Variants in PDE1C observed in about 807,000 individuals in gnomAD.
PDE1C encodes dual specificity calcium/calmodulin-dependent 3',5'-cyclic nucleotide phosphodiesterase 1C.
A neutral mutation model predicts 93.1 loss-of-function variants in PDE1C; 62 were observed. That is an observed-to-expected ratio of 0.67 (90% CI 0.54 to 0.82). The LOEUF (loss-of-function observed/expected upper bound fraction) is 0.82, where lower values mean the gene tolerates loss of function less well. PDE1C is among the 40% of genes least tolerant of loss of function. The pLI is 0.00. For synonymous variants in PDE1C, 325 were observed against 310.1 expected (o/e 1.05, Z -0.50); for missense variants, 742 against 884.6 (o/e 0.84, Z 2.04).
At chr7:32,208,434 G>A (rs188813344) in intron 2 of PDE1C, among the ~76,000 whole-genome samples, 32 of 152,038 alleles carry the variant, frequency 2.1e-4, no homozygotes, top group East Asian at 9.7e-4. Flanking sequence ...CAGATGGCAC[G>A]TCAGCTACTA....
intron 2 of PDE1C, among the ~76,000 whole-genome samples, chr7:32,176,306 T>A (rs1357041329): frequency 6.6e-6 from 1 of 151,916 alleles, no homozygotes; most frequent in African/African-American, 2.4e-5. Flanking sequence ...AAAAACCGCA[T>A]GAGTCTATTT....
chr7:32,349,324 G>C (rs1449706582), intron 1 of PDE1C, among the ~76,000 whole-genome samples: 1 of 152,204 alleles, frequency 6.6e-6, no homozygotes, highest in African/African-American at 2.4e-5. Context: ...CAGGCCAGTG[G>C]GGCAGGTGTC....
chr7:32,120,836 CA>C (rs1799261002), intron 3 of PDE1C, among the ~76,000 whole-genome samples: 1 of 152,258 alleles, frequency 6.6e-6, no homozygotes, highest in East Asian at 1.9e-4. Context: ...CAAATGATCG[CA>C]GTGCCTCTCC....
At chr7:31,635,662 G>A in the PDE1C span, among the ~76,000 whole-genome samples, 13 of 152,182 alleles carry the variant, frequency 8.5e-5, no homozygotes, top group Admixed American at 2.0e-4. Flanking sequence ...GTATTAGGCC[G>A]TTCTCATGCT....
At chr7:31,807,620 T>C (rs1263336965) in intron 16 of PDE1C, among the ~76,000 whole-genome samples, 1 of 151,976 alleles carries the variant, frequency 6.6e-6, no homozygotes, top group Non-Finnish European at 1.5e-5. Flanking sequence ...TGGGCTTTTA[T>C]GCTATAGAAA....
At chr7:32,031,635 G>T (rs923775201) in intron 2 of PDE1C, among the ~76,000 whole-genome samples, 5 of 152,180 alleles carry the variant, frequency 3.3e-5, no homozygotes, top group African/African-American at 7.2e-5. Context: ...AGAACCCAAG[G>T]TTCCTTACAA....
the PDE1C span, among the ~76,000 whole-genome samples, chr7:31,667,376 A>C: frequency 1.2e-4 from 18 of 152,340 alleles, 1 homozygote; most frequent in Admixed American, 5.2e-4. Context: ...GTGCATTTCA[A>C]GGAACTTCTC....
intron 2 of PDE1C, among the ~76,000 whole-genome samples, chr7:32,184,550 C>T (rs1164992932): frequency 6.6e-6 from 1 of 151,936 alleles, no homozygotes; most frequent in Non-Finnish European, 1.5e-5. Flanking sequence ...ATTGCAAGGA[C>T]AAAAAACCAA....
At chr7:32,070,016 T>G (rs1795838342) in intron 1 of PDE1C, among the ~76,000 whole-genome samples, 1 of 152,184 alleles carries the variant, frequency 6.6e-6, no homozygotes, top group African/African-American at 2.4e-5. Context: ...TCATTGAGTA[T>G]TGGGCCACCA....
chr7:31,638,041 A>G, the PDE1C span, among the ~76,000 whole-genome samples: 2 of 152,162 alleles, frequency 1.3e-5, no homozygotes, highest in Non-Finnish European at 2.9e-5. Flanking sequence ...TGCCCTCTCA[A>G]CAGGTTATTA....
chr7:31,972,567 T>A (rs1427564476), intron 2 of PDE1C, among the ~76,000 whole-genome samples: 1 of 152,162 alleles, frequency 6.6e-6, no homozygotes, highest in Non-Finnish European at 1.5e-5. Flanking sequence ...GAAAAAGTAA[T>A]GAGCTTCTCT....
At chr7:32,031,218 T>C (rs986260711) in intron 2 of PDE1C, among the ~76,000 whole-genome samples, 4 of 152,150 alleles carry the variant, frequency 2.6e-5, no homozygotes, top group Non-Finnish European at 4.4e-5. Flanking sequence ...TTAAATAAAA[T>C]CTCTAACACA....
chr7:31,916,823 A>G (rs923697236), intron 2 of PDE1C, among the ~76,000 whole-genome samples: 2 of 152,224 alleles, frequency 1.3e-5, no homozygotes, highest in African/African-American at 4.8e-5. Flanking sequence ...ATCACCTATC[A>G]TGACAGTATC....
rs1554298142 is a variant in PDE1C, at chr7:32,267,586, A to ACTCTCTCTCTCTCC, written c.85+31064_85+31065insGGAGAGAGAGAGAG. Among the ~76,000 whole-genome samples the ACTCTCTCTCTCTCC allele has an allele frequency of 1.0e-4, 12 of 117,536 alleles. 1 individual carries two copies. The highest frequency in any genetic ancestry group is 3.7e-4 in the African/African-American group (11 of 29,362). The allele number at this position is 117,536 out of a possible 152,430, so 77.1% of individuals were successfully genotyped here. Reference sequence around the variant, plus strand: ...TTCTCTCTCTCTCACACACACACACACTCTCTCTCTCTCTCTCTCTCTCTC... The same window carrying ACTCTCTCTCTCTCC: ...TTCTCTCTCTCTCACACACACACACACTCTCTCTCTCTCCCTCTCTCTCTCTCTCTCTCTCTCTC... On this transcript the variant is annotated intron_variant, in intron 1 of 18. Transcript: ENST00000396193.
chr7:32,047,826 T>C (rs1792809728), intron 2 of PDE1C, among the ~76,000 whole-genome samples: 1 of 152,200 alleles, frequency 6.6e-6, no homozygotes. Flanking sequence ...CTGGGCTGTC[T>C]TCCCTTTGAT....
the PDE1C span, among the ~76,000 whole-genome samples, chr7:31,628,456 TTTTTC>T: frequency 9.8e-3 from 1,465 of 150,156 alleles, 11 homozygotes; most frequent in African/African-American, 0.024. Flanking sequence ...TCCTTTTTTT[TTTTTC>T]TTTTTTTTTC....
At chr7:32,109,652 C>T (rs1309515655) in intron 3 of PDE1C, among the ~76,000 whole-genome samples, 1 of 152,150 alleles carries the variant, frequency 6.6e-6, no homozygotes, top group African/African-American at 2.4e-5. Context: ...AATCACTGGT[C>T]TAAATGAAGA....
At chr7:32,379,452 T>C (rs996849650) in intron 1 of PDE1C, among the ~76,000 whole-genome samples, 1 of 152,214 alleles carries the variant, frequency 6.6e-6, no homozygotes, top group African/African-American at 2.4e-5. Flanking sequence ...CTGTAGAAAG[T>C]TGTCTGTTAT....
At chr7:32,134,382 G>A (rs542413387) in intron 3 of PDE1C, among the ~76,000 whole-genome samples, 4 of 152,158 alleles carry the variant, frequency 2.6e-5, no homozygotes, top group Middle Eastern at 6.8e-3. Context: ...ACAAAGACCT[G>A]GGACAGATTA....
Sources: allele counts gnomAD v4.1 joint callset (sites outside exome capture counted in the v4.1 genomes callset), GRCh38; gene constraint gnomAD v4.1.1; transcripts MANE v1.5; gene names NCBI Gene and HGNC (gene_info 2026-07-23, HGNC 2026-07-21).